FHIT: variants seen among roughly 807,000 people sequenced by gnomAD.
FHIT encodes the protein bis(5'-adenosyl)-triphosphatase.
A neutral mutation model predicts 17.9 loss-of-function variants in FHIT; 19 were observed. That is an observed-to-expected ratio of 1.06 (90% CI 0.74 to 1.56). The LOEUF is 1.56. FHIT is among the 40% of genes most tolerant of loss of function. The pLI is 0.00. For missense variants in FHIT, 248 were observed against 189.2 expected (o/e 1.31, Z -1.82); for synonymous variants, 81 against 69.7 (o/e 1.16, Z -0.81).
At chr3:61,091,409 A>G (rs1357359264) in intron 2 of FHIT, among the ~76,000 whole-genome samples, 1 of 152,156 alleles carries the variant, frequency 6.6e-6, no homozygotes, top group East Asian at 1.9e-4. Context: ...GGGAGCATAT[A>G]TCAATATCTA....
At chr3:60,229,723 C>T (rs910400309) in intron 5 of FHIT, among the ~76,000 whole-genome samples, 26 of 152,258 alleles carry the variant, frequency 1.7e-4, no homozygotes, top group African/African-American at 4.8e-4. Flanking sequence ...CTCACACTTA[C>T]GTATAATCCC....
intron 5 of FHIT, among the ~76,000 whole-genome samples, chr3:60,359,502 A>G (rs927259680): frequency 6.6e-6 from 1 of 151,910 alleles, no homozygotes; most frequent in African/African-American, 2.4e-5. Context: ...GATGGTCTCA[A>G]TCTCTTGACC....
chr3:60,866,456 G>C (rs1297361027), intron 3 of FHIT, among the ~76,000 whole-genome samples: 1 of 152,072 alleles, frequency 6.6e-6, no homozygotes, highest in Non-Finnish European at 1.5e-5. Context: ...GGCCCACATG[G>C]GGAGGAACTG....
At chr3:60,750,495 G>A (rs975795671) in intron 4 of FHIT, among the ~76,000 whole-genome samples, 2 of 152,116 alleles carry the variant, frequency 1.3e-5, no homozygotes, top group Non-Finnish European at 2.9e-5. Flanking sequence ...CTGTTCACAT[G>A]ATCATGAATC....
intron 3 of FHIT, among the ~76,000 whole-genome samples, chr3:60,927,629 G>A (rs548289043): frequency 2.2e-4 from 34 of 151,300 alleles, no homozygotes; most frequent in South Asian, 8.4e-4. Flanking sequence ...GCCTCTGCCC[G>A]GCCGCCCTGT....
intron 8 of FHIT, among the ~76,000 whole-genome samples, chr3:59,870,576 G>A (rs1702871956): frequency 6.6e-6 from 1 of 152,174 alleles, no homozygotes; most frequent in Non-Finnish European, 1.5e-5. Flanking sequence ...CTTAATAGAA[G>A]AGAGAATTTG....
chr3:60,262,981 G>A (rs570347187), intron 5 of FHIT, among the ~76,000 whole-genome samples: 9 of 151,732 alleles, frequency 5.9e-5, no homozygotes, highest in African/African-American at 1.9e-4. Flanking sequence ...CTTAATAAAC[G>A]ACTTATATCT....
intron 5 of FHIT, among the ~76,000 whole-genome samples, chr3:60,231,001 T>A (rs1704468534): frequency 6.6e-6 from 1 of 152,232 alleles, no homozygotes; most frequent in African/African-American, 2.4e-5. Flanking sequence ...CCACCACTCC[T>A]GGCCTTAAAA....
intron 4 of FHIT, among the ~76,000 whole-genome samples, chr3:60,544,071 T>C (rs548882422): frequency 6.6e-6 from 1 of 151,792 alleles, no homozygotes; most frequent in Non-Finnish European, 1.5e-5. Flanking sequence ...TCTTTGTTTT[T>C]ATATATATGA....
At chr3:60,330,022 C>T (rs905705106) in intron 5 of FHIT, among the ~76,000 whole-genome samples, 2 of 152,138 alleles carry the variant, frequency 1.3e-5, no homozygotes, top group African/African-American at 4.8e-5. Context: ...TAACTTATAG[C>T]CGATTGTGGT....
chr3:60,609,812 CTTCT>C (rs1180976398), intron 4 of FHIT, among the ~76,000 whole-genome samples: 1 of 152,122 alleles, frequency 6.6e-6, no homozygotes, highest in Admixed American at 6.6e-5. Flanking sequence ...TCTAATCTTC[CTTCT>C]ATCAATCCGG....
chr3:60,649,680 A>G (rs1192798450), intron 4 of FHIT, among the ~76,000 whole-genome samples: 2 of 152,184 alleles, frequency 1.3e-5, no homozygotes, highest in African/African-American at 4.8e-5. Context: ...AAAATCCTGC[A>G]TATTAATCAA....
intron 2 of FHIT, among the ~76,000 whole-genome samples, chr3:61,173,292 T>TA (rs1327850407): frequency 6.6e-6 from 1 of 152,192 alleles, no homozygotes; most frequent in African/African-American, 2.4e-5. Flanking sequence ...AATCTCTTTT[T>TA]AAAAAACTCA....
chr3:60,570,496 A>C (rs1215720811), intron 4 of FHIT, among the ~76,000 whole-genome samples: 1 of 152,134 alleles, frequency 6.6e-6, no homozygotes, highest in African/African-American at 2.4e-5. Context: ...ACACATTTCA[A>C]GACATTACCA....
intron 5 of FHIT, among the ~76,000 whole-genome samples, chr3:60,424,778 AAAG>A (rs1192980931): frequency 6.6e-6 from 1 of 152,068 alleles, no homozygotes; most frequent in East Asian, 1.9e-4. Flanking sequence ...AGCATTGTGA[AAAG>A]AAAAAAAAAT....
chr3:60,165,263 G>T (rs1011567960), intron 5 of FHIT, among the ~76,000 whole-genome samples: 15 of 152,174 alleles, frequency 9.9e-5, no homozygotes, highest in Admixed American at 6.6e-5. Context: ...TTCAGTGAAT[G>T]AATGAATGCC....
At chr3:60,431,914 A>G (rs965638050) in intron 5 of FHIT, among the ~76,000 whole-genome samples, 1 of 151,922 alleles carries the variant, frequency 6.6e-6, no homozygotes, top group African/African-American at 2.4e-5. Context: ...ATGCAAATAC[A>G]CTATTCCTCT....
At chr3:60,520,986 A>G (rs1257361200) in intron 5 of FHIT, among the ~76,000 whole-genome samples, 1 of 152,200 alleles carries the variant, frequency 6.6e-6, no homozygotes, top group Non-Finnish European at 1.5e-5. Flanking sequence ...AAAAAGGCTC[A>G]TATCAAATGC....
At chr3:60,492,362 C>T (rs1412027120) in intron 5 of FHIT, among the ~76,000 whole-genome samples, 2 of 152,170 alleles carry the variant, frequency 1.3e-5, no homozygotes, top group Admixed American at 6.5e-5. Flanking sequence ...TTTAAAATTA[C>T]ACTCATCCTT....
Sources: allele counts gnomAD v4.1 joint callset (sites outside exome capture counted in the v4.1 genomes callset), GRCh38; gene constraint gnomAD v4.1.1; transcripts MANE v1.5; gene names NCBI Gene and HGNC (gene_info 2026-07-23, HGNC 2026-07-21).